The following GPBP1 variants were observed in gnomAD, a reference collection of about 807,000 sequenced individuals.
GPBP1 encodes the protein vasculin.
A neutral mutation model predicts 56.5 loss-of-function variants in GPBP1; 13 were observed. That is an observed-to-expected ratio of 0.23 (90% CI 0.15 to 0.37). The LOEUF (loss-of-function observed/expected upper bound fraction) is 0.37. GPBP1 is among the 10% of genes least tolerant of loss of function. The pLI is 1.00. For missense variants in GPBP1, 477 were observed against 572.3 expected (o/e 0.83, Z 1.70); for synonymous variants, 204 against 188.9 (o/e 1.08, Z -0.66).
At chr5:57,194,887 G>A (rs568658777) in intron 2 of GPBP1, among the ~76,000 whole-genome samples, 2 of 152,132 alleles carry the variant, frequency 1.3e-5, no homozygotes, top group Non-Finnish European at 2.9e-5. Context: ...CATGTTTTCT[G>A]TATCCATTCA....
At chr5:57,176,832 A>G (rs1379768729) in intron 2 of GPBP1, among the ~76,000 whole-genome samples, 1 of 152,226 alleles carries the variant, frequency 6.6e-6, no homozygotes, top group East Asian at 1.9e-4. Flanking sequence ...TTTAGACTGC[A>G]TTCCAAATGC....
intron 10 of GPBP1, among the ~76,000 whole-genome samples, chr5:57,259,904 C>T (rs1741814964): frequency 1.3e-5 from 2 of 152,174 alleles, no homozygotes; most frequent in Admixed American, 1.3e-4. Flanking sequence ...TTGCCATGAC[C>T]TTTGCTCTTG....
chr5:57,259,331 G>A (rs866563275), intron 10 of GPBP1, among the ~76,000 whole-genome samples: 27 of 152,186 alleles, frequency 1.8e-4, no homozygotes, highest in Non-Finnish European at 1.3e-4. Flanking sequence ...TATTCTGTGA[G>A]ACTCTGAAAA....
In GPBP1 at chr5:57,249,457, C is replaced by T. The variant is rs1355503472; in HGVS notation, c.853C>T (p.Pro285Ser). Residue 285 changes from proline (P) to serine (S), a missense_variant, in exon 9 of 12, where the codon CCT becomes TCT. Coordinates refer to ENST00000506184, the MANE Select transcript of GPBP1 (RefSeq NM_022913.4). ...SSPVDKLNQQ[P>S]RLTKLTRMRT... ...TCCTGTTGACAAACTTAATCAGCAG[C>T]CTCGTCTAACCAAACTGACACGAAT... is the stretch of plus-strand genomic sequence containing the variant. The T allele has an allele frequency of 6.2e-7, 1 of 1,609,720 alleles. No individual in the cohort carries two copies. Among genetic ancestry groups the T allele is most frequent in the East Asian group, 2.2e-5 (1 of 44,696 alleles).
intron 3 of GPBP1, among the ~76,000 whole-genome samples, chr5:57,219,415 C>A (rs2408690): frequency 0.54 from 32,788 of 60,234 alleles, 9,298 homozygotes; most frequent in East Asian, 0.83. Flanking sequence ...CAAAAACAAA[C>A]AAACAAAAAA....
chr5:57,214,760 A>G (rs1166771853), intron 3 of GPBP1, among the ~76,000 whole-genome samples: 1 of 151,914 alleles, frequency 6.6e-6, no homozygotes, highest in Non-Finnish European at 1.5e-5. Context: ...GGTTCAAGCG[A>G]TTCTTCTGCC....
chr5:57,176,362 A>C lies in GPBP1; in HGVS notation c.-96A>C, dbSNP rs998538060. The C allele has an allele frequency of 5.0e-6, 1 of 198,916 alleles. No individual in the cohort carries two copies. The highest frequency in any genetic ancestry group is 2.3e-5 in the African/African-American group (1 of 43,500). 12.3% of individuals were successfully genotyped at this position (198,916 alleles called of 1,614,324 possible). The stretch of plus-strand genomic sequence containing the variant: ...AAACTGGAAAATAAAGATTACAGAG[A>C]AAAAACCAACACCTTCCTGTGCAGT... On this transcript the variant is annotated 5_prime_UTR_variant, in exon 2 of 12. Transcript: ENST00000506184.
intron 8 of GPBP1, chr5:57,249,079 CTG>C (rs758685129): frequency 3.9e-5 from 7 of 178,272 alleles, no homozygotes; most frequent in Non-Finnish European, 5.9e-5. Flanking sequence ...CTCTAGAACT[CTG>C]TGTAACACAG....
intron 2 of GPBP1, among the ~76,000 whole-genome samples, chr5:57,209,520 C>T (rs1175493379): frequency 6.6e-6 from 1 of 152,152 alleles, no homozygotes; most frequent in Non-Finnish European, 1.5e-5. Flanking sequence ...ACGTCTACTA[C>T]AGTGTTGAAT....
chr5:57,175,798 G>A lies in GPBP1; in HGVS notation c.-660G>A, dbSNP rs914468136. On this transcript the variant is annotated 5_prime_UTR_variant, in exon 2 of 12. Coordinates refer to ENST00000506184, the MANE Select transcript of GPBP1 (RefSeq NM_022913.4). ...TTGATTTGTGTACTGAGTAGTTTCA[G>A]CAGTTTCAAATGACTGAGTATTGCT... The A allele has an allele frequency of 7.6e-6, 3 of 396,920 alleles. No individual in the cohort carries two copies. The highest frequency in any genetic ancestry group is 2.9e-4 in the South Asian group (2 of 7,006). The allele number at this position is 396,920 out of a possible 1,614,324, so 24.6% of individuals were successfully genotyped here.
chr5:57,174,826 C>G (rs985484632), intron 1 of GPBP1, among the ~76,000 whole-genome samples: 2 of 152,176 alleles, frequency 1.3e-5, no homozygotes, highest in Admixed American at 1.3e-4. Context: ...AACCTGTTTT[C>G]TTAATTCGAG....
rs1259221096 is a variant in GPBP1 at position 57,192,343 on chromosome 5, G to A, written c.-58+15943G>A. ...GGACAGTAGTCTGTTTGGGGATAGC[G>A]CTAGATTGCAGTGGTAGCTCAAATT... On this transcript the variant is annotated intron_variant, in intron 2 of 11. Transcript: ENST00000506184. 4.6e-5 allele frequency among the ~76,000 whole-genome samples: 7 copies of A among 152,198 alleles called. No homozygotes were observed. In the East Asian group the frequency reaches 5.8e-4, roughly 13 times the overall value.
intron 10 of GPBP1, among the ~76,000 whole-genome samples, chr5:57,258,466 C>G (rs1370330959): frequency 6.6e-6 from 1 of 152,054 alleles, no homozygotes; most frequent in Non-Finnish European, 1.5e-5. Context: ...AATCATAATA[C>G]AGTGGTATGT....
intron 2 of GPBP1, among the ~76,000 whole-genome samples, chr5:57,179,585 CTTTTTTTTGTTG>C (rs1579965513): frequency 6.6e-6 from 1 of 151,936 alleles, no homozygotes; most frequent in East Asian, 1.9e-4. Flanking sequence ...TTTACCTTGT[CTTTTTTTTGTTG>C]TTTTTTTGGG....
intron 3 of GPBP1, among the ~76,000 whole-genome samples, chr5:57,225,197 G>A (rs1226270008): frequency 6.6e-6 from 1 of 152,094 alleles, no homozygotes; most frequent in African/African-American, 2.4e-5. Flanking sequence ...GGTAGCTCAT[G>A]CCTGTAATCC....
chr5:57,232,868 A>G (rs969876581), intron 5 of GPBP1, among the ~76,000 whole-genome samples: 1 of 152,252 alleles, frequency 6.6e-6, no homozygotes, highest in Non-Finnish European at 1.5e-5. Flanking sequence ...CATTTCTAAC[A>G]TAGGCATGAG....
rs199721930 is a variant in GPBP1 at position 57,230,896 on chromosome 5, T to C, written c.114T>C (p.Asn38=). ...KHSENFAWTE[N]RYDVNRRRHN... ...CTGAAAACTTTGCATGGACAGAGAATCGTTATGATGTGAACCGTCGACGAC... is the reference window on the plus strand; with the variant it reads ...CTGAAAACTTTGCATGGACAGAGAACCGTTATGATGTGAACCGTCGACGAC... The change falls in exon 4 of 12, where the codon AAT becomes AAC. Residue 38 remains asparagine (N), a synonymous_variant. Transcript: ENST00000506184. The C allele has an allele frequency of 6.2e-7, 1 of 1,612,298 alleles. No individual in the cohort carries two copies.
chr5:57,204,290 C>T (rs1353888297), intron 2 of GPBP1, among the ~76,000 whole-genome samples: 2 of 151,732 alleles, frequency 1.3e-5, no homozygotes, highest in African/African-American at 4.8e-5. Flanking sequence ...GGCTCTGTCG[C>T]CCAGGCTGGA....
chr5:57,225,720 C>G (rs954147455), intron 3 of GPBP1, among the ~76,000 whole-genome samples: 1 of 152,144 alleles, frequency 6.6e-6, no homozygotes, highest in African/African-American at 2.4e-5. Flanking sequence ...ACCGTTGAAC[C>G]AGCATCACTG....
Sources: gnomAD v4.1 joint callset for allele counts (sites outside exome capture counted in the v4.1 genomes callset) on GRCh38, gnomAD v4.1.1 for gene constraint, MANE v1.5 for transcripts, NCBI Gene and HGNC (gene_info 2026-07-23, HGNC 2026-07-21) for gene names.